Variants in CSMD1 observed in about 807,000 individuals in gnomAD.
CSMD1 encodes the protein CUB and Sushi multiple domains 1.
Under a neutral mutation model 417.5 loss-of-function variants are expected in CSMD1, and 213 were observed. That is an observed-to-expected ratio of 0.51 (90% confidence interval 0.46 to 0.57). The LOEUF (loss-of-function observed/expected upper bound fraction) is 0.57. CSMD1 is among the 20% of genes least tolerant of loss of function. CSMD1 has a pLI of 0.00. For synonymous variants in CSMD1, 2,862 were observed against 1,736.8 expected (o/e 1.65, Z -16.11); for missense variants, 6,923 against 4,529.7 (o/e 1.53, Z -15.17).
intron 3 of CSMD1, among the ~76,000 whole-genome samples, chr8:4,106,150 C>A (rs2130894585): frequency 6.6e-6 from 1 of 152,256 alleles, no homozygotes; most frequent in South Asian, 2.1e-4. Flanking sequence ...ACATGTTTCT[C>A]TGGTGAGTAC....
chr8:4,170,066 G>A (rs1455695247), intron 3 of CSMD1, among the ~76,000 whole-genome samples: 1 of 151,762 alleles, frequency 6.6e-6, no homozygotes, highest in African/African-American at 2.4e-5. Flanking sequence ...TCTAGGTAAG[G>A]AATTGTGGGT....
chr8:3,408,108 C>T lies in CSMD1; in HGVS notation c.1862G>A (p.Arg621Gln), dbSNP rs1197438135. The T allele has an allele frequency of 5.0e-6, 8 of 1,613,704 alleles. No homozygotes were observed. The highest frequency in any genetic ancestry group is 4.5e-5 in the East Asian group (2 of 44,876). ...AAAATCATTAAAGATTAGGTGAATT[C>T]GACTTCCTGGCTCCGAGATAATCAA... The part of the protein sequence containing the change: ...VWLIISEPGS[R>Q]IHLIFNDFDV... Residue 621 changes from arginine to glutamine, a missense_variant, in exon 14 of 70, where the codon CGA becomes CAA. Coordinates refer to ENST00000635120, the MANE Select transcript of CSMD1 (RefSeq NM_033225.6).
At chr8:3,334,783 A>T (rs1041728139) in intron 23 of CSMD1, among the ~76,000 whole-genome samples, 2 of 152,146 alleles carry the variant, frequency 1.3e-5, no homozygotes, top group African/African-American at 4.8e-5. Context: ...GTAGAGTGGG[A>T]CTTCCTAGGT....
At chr8:3,439,310 T>TATATA (rs1491240170) in intron 12 of CSMD1, among the ~76,000 whole-genome samples, 87 of 20,094 alleles carry the variant, frequency 4.3e-3, no homozygotes, top group African/African-American at 0.013. Context: ...TATATATATA[T>TATATA]TTTTTTTTTT....
intron 40 of CSMD1, among the ~76,000 whole-genome samples, chr8:3,145,248 A>G (rs1423917508): frequency 6.6e-6 from 1 of 152,210 alleles, no homozygotes; most frequent in Non-Finnish European, 1.5e-5. Flanking sequence ...GTATGTCCAG[A>G]GTACCAGACA....
chr8:3,586,329 A>G, intron 8 of CSMD1, 69 bp from the exon 9 acceptor site: 1 of 1,433,074 alleles, frequency 7.0e-7, no homozygotes, highest in Non-Finnish European at 9.3e-7. Context: ...AAAAAAAAAA[A>G]AATCAGCAAA....
intron 31 of CSMD1, among the ~76,000 whole-genome samples, chr8:3,202,947 G>A (rs139901694): frequency 5.3e-4 from 81 of 152,230 alleles, no homozygotes; most frequent in African/African-American, 1.9e-3. Context: ...TAGAGAGGGA[G>A]AGGACTTAAT....
intron 10 of CSMD1, among the ~76,000 whole-genome samples, chr8:3,562,140 A>G (rs1015828274): frequency 2.0e-5 from 3 of 152,186 alleles, no homozygotes; most frequent in Non-Finnish European, 2.9e-5. Context: ...CCCACAAAAA[A>G]AAAAAAAATC....
At chr8:4,816,584 G>C (rs1799222122) in intron 1 of CSMD1, among the ~76,000 whole-genome samples, 1 of 152,114 alleles carries the variant, frequency 6.6e-6, no homozygotes, top group South Asian at 2.1e-4. Context: ...AGAGCCTTCT[G>C]AGTGTCAAGC....
chr8:4,320,826 C>T (rs1054217934), intron 3 of CSMD1, among the ~76,000 whole-genome samples: 3 of 152,128 alleles, frequency 2.0e-5, no homozygotes, highest in Non-Finnish European at 4.4e-5. Context: ...CCAACAATCC[C>T]ATTACTATAA....
At chr8:4,867,876 A>T (rs1368285998) in intron 1 of CSMD1, among the ~76,000 whole-genome samples, 94 of 152,258 alleles carry the variant, frequency 6.2e-4, no homozygotes, top group Non-Finnish European at 1.9e-4. Context: ...AGTATTACAC[A>T]TTAAATATGT....
At chr8:3,716,868 T>C (rs538195095) in intron 6 of CSMD1, among the ~76,000 whole-genome samples, 4 of 151,190 alleles carry the variant, frequency 2.6e-5, no homozygotes, top group Admixed American at 2.6e-4. Context: ...TTATCAAGAG[T>C]AATAGTTTTA....
intron 3 of CSMD1, among the ~76,000 whole-genome samples, chr8:4,131,989 C>T (rs975329681): frequency 1.3e-5 from 2 of 151,924 alleles, no homozygotes; most frequent in Non-Finnish European, 2.9e-5. Flanking sequence ...TGGTCTCGAT[C>T]TCCTGACCTC....
intron 3 of CSMD1, among the ~76,000 whole-genome samples, chr8:4,192,940 G>A (rs7003230): frequency 0.028 from 4,242 of 152,162 alleles, 215 homozygotes; most frequent in African/African-American, 0.096. Flanking sequence ...TTTTCTGTAC[G>A]TGGTGCTACC....
intron 2 of CSMD1, among the ~76,000 whole-genome samples, chr8:4,470,173 T>C (rs1374938349): frequency 6.6e-6 from 1 of 152,086 alleles, no homozygotes; most frequent in African/African-American, 2.4e-5. Flanking sequence ...CATAACCTCA[T>C]CTATTCCTCT....
intron 10 of CSMD1, among the ~76,000 whole-genome samples, chr8:3,497,780 C>T (rs1245705133): frequency 6.6e-6 from 1 of 152,156 alleles, no homozygotes; most frequent in East Asian, 1.9e-4. Context: ...GGTTGTTTTG[C>T]ACATCCTCTA....
intron 5 of CSMD1, among the ~76,000 whole-genome samples, chr8:3,796,456 G>T (rs1190828376): frequency 0.014 from 1,823 of 131,146 alleles, 179 homozygotes; most frequent in African/African-American, 0.049. Flanking sequence ...TATAGATATA[G>T]ATATCTATCA....
chr8:4,584,421 A>G (rs1453925540), intron 2 of CSMD1, among the ~76,000 whole-genome samples: 1 of 152,010 alleles, frequency 6.6e-6, no homozygotes, highest in African/African-American at 2.4e-5. Context: ...GGGGCTAAAT[A>G]CCGGGCACCT....
intron 3 of CSMD1, among the ~76,000 whole-genome samples, chr8:4,307,905 G>A (rs1362813101): frequency 1.3e-5 from 2 of 152,100 alleles, no homozygotes; most frequent in South Asian, 2.1e-4. Context: ...GCAGAGGCAC[G>A]TTTTTAGCAA....
Sources: allele counts gnomAD v4.1 joint callset (sites outside exome capture counted in the v4.1 genomes callset), GRCh38; gene constraint gnomAD v4.1.1; transcripts MANE v1.5; gene names NCBI Gene and HGNC (gene_info 2026-07-23, HGNC 2026-07-21).